Variants in PDE11A observed in about 807,000 individuals in gnomAD.
PDE11A encodes dual 3',5'-cyclic-AMP and -GMP phosphodiesterase 11A.
In PDE11A, 100 loss-of-function variants were observed where a neutral mutation model predicts 100.5. The observed-to-expected ratio is 1.00, with a 90% CI of 0.85 to 1.18. The LOEUF is 1.18. PDE11A is among the 50% of genes most tolerant of loss of function. PDE11A has a pLI of 0.00. For synonymous variants in PDE11A, 381 were observed against 420.8 expected (o/e 0.91, Z 1.16); for missense variants, 1,141 against 1,152.6 (o/e 0.99, Z 0.15).
intron 1 of PDE11A, among the ~76,000 whole-genome samples, chr2:178,053,552 T>A (rs1163577505): frequency 6.6e-6 from 1 of 152,100 alleles, no homozygotes; most frequent in Non-Finnish European, 1.5e-5. Context: ...GGTATTCAAT[T>A]AGGAAAAGAG....
intron 1 of PDE11A, among the ~76,000 whole-genome samples, chr2:178,050,105 G>A (rs1371698786): frequency 1.3e-5 from 2 of 152,112 alleles, no homozygotes; most frequent in Non-Finnish European, 2.9e-5. Flanking sequence ...CTCCCAGTAG[G>A]GGCAGACTGA....
At chr2:178,037,401 A>C (rs564710735) in intron 1 of PDE11A, among the ~76,000 whole-genome samples, 1 of 152,142 alleles carries the variant, frequency 6.6e-6, no homozygotes, top group Non-Finnish European at 1.5e-5. Context: ...GGAGAAATAG[A>C]AACACGTTTA....
chr2:177,802,332 C>T (rs1360774732), intron 9 of PDE11A, among the ~76,000 whole-genome samples: 1 of 151,950 alleles, frequency 6.6e-6, no homozygotes, highest in African/African-American at 2.4e-5. Flanking sequence ...CACATACTGA[C>T]CTTTTGACCA....
chr2:178,031,338 G>A lies in PDE11A; in HGVS notation c.913-16878C>T, dbSNP rs552909017. On this transcript the variant is annotated intron_variant, in intron 1 of 19. Coordinates refer to ENST00000286063, the MANE Select transcript of PDE11A (RefSeq NM_016953.4). ...TGATACTGGAGGTTCTTGCACAGTA[G>A]GAGCTAAGAAAAAGAAATAAAAGGT... 4.8e-4 allele frequency among the ~76,000 whole-genome samples: 73 copies of A among 152,080 alleles called. No individual in the cohort carries two copies. In the South Asian group the frequency reaches 7.3e-3, roughly 15 times the overall value.
intron 1 of PDE11A, among the ~76,000 whole-genome samples, chr2:178,040,161 T>C (rs906168930): frequency 2.7e-5 from 4 of 150,088 alleles, no homozygotes; most frequent in Non-Finnish European, 5.9e-5. Context: ...ACCTTCTGGA[T>C]TCAAGCTATT....
intron 2 of PDE11A, among the ~76,000 whole-genome samples, chr2:177,938,329 T>C (rs1191178721): frequency 6.6e-6 from 1 of 152,156 alleles, no homozygotes; most frequent in Non-Finnish European, 1.5e-5. Context: ...TGATTCAGAT[T>C]CCAAAGGCTC....
chr2:177,755,602 C>A (rs1381704889), intron 10 of PDE11A, among the ~76,000 whole-genome samples: 1 of 152,212 alleles, frequency 6.6e-6, no homozygotes, highest in African/African-American at 2.4e-5. Context: ...AACTGACACA[C>A]TTTCCTAAGC....
At chr2:178,026,782 A>G (rs2086484274) in intron 1 of PDE11A, among the ~76,000 whole-genome samples, 1 of 152,190 alleles carries the variant, frequency 6.6e-6, no homozygotes, top group South Asian at 2.1e-4. Flanking sequence ...AAGTGTATTT[A>G]GTTAATCAAA....
chr2:177,672,691 G>A (rs949516475), intron 17 of PDE11A, among the ~76,000 whole-genome samples: 2 of 152,116 alleles, frequency 1.3e-5, no homozygotes, highest in East Asian at 1.9e-4. Context: ...ACTGTTTTGC[G>A]AGGAATTACA....
At chr2:177,726,517 A>G (rs1345608520) in intron 12 of PDE11A, among the ~76,000 whole-genome samples, 1 of 152,112 alleles carries the variant, frequency 6.6e-6, no homozygotes, top group African/African-American at 2.4e-5. Flanking sequence ...GTAGCAAGAA[A>G]GATGTGTTGT....
At chr2:178,016,130 A>ACTTT (rs2086333348) in intron 1 of PDE11A, among the ~76,000 whole-genome samples, 1 of 66,528 alleles carries the variant, frequency 1.5e-5, no homozygotes, top group Non-Finnish European at 3.0e-5. Flanking sequence ...ATGCCTGGCT[A>ACTTT]ATTTTTTTTT....
chr2:177,935,640 T>A (rs773607068), intron 2 of PDE11A, among the ~76,000 whole-genome samples: 2 of 152,094 alleles, frequency 1.3e-5, no homozygotes, highest in Non-Finnish European at 2.9e-5. Flanking sequence ...GGAGGCCATG[T>A]CCTGAGATCC....
chr2:177,674,850 C>G (rs186895195), intron 17 of PDE11A, among the ~76,000 whole-genome samples: 1 of 152,264 alleles, frequency 6.6e-6, no homozygotes, highest in East Asian at 1.9e-4. Context: ...CATCATAAAA[C>G]GCACATAACG....
At chr2:177,642,082 A>C (rs1441670384) in intron 19 of PDE11A, among the ~76,000 whole-genome samples, 1 of 152,236 alleles carries the variant, frequency 6.6e-6, no homozygotes, top group Non-Finnish European at 1.5e-5. Flanking sequence ...TAATGCTGGC[A>C]TGTGAGTTTG....
At chr2:177,939,629 A>G (rs1407739593) in intron 2 of PDE11A, among the ~76,000 whole-genome samples, 2 of 152,216 alleles carry the variant, frequency 1.3e-5, no homozygotes, top group Non-Finnish European at 2.9e-5. Flanking sequence ...CTACCAATTT[A>G]CAGAAATAGA....
At position 177,624,409 on chromosome 2, in the gene PDE11A, C is replaced by A. The variant is rs1453527552; in HGVS notation, c.*4998G>T. The A allele has an allele frequency of 6.6e-6, 1 of 151,920 alleles. No homozygotes were observed. The highest frequency in any genetic ancestry group is 2.4e-5 in the African/African-American group (1 of 41,366). The allele number at this position is 151,920 out of a possible 1,614,324, so 9.4% of individuals were successfully genotyped here. A position where few individuals can be genotyped will look rare whatever the true frequency, so the allele number is the denominator to read the frequency against. ...TCTTTCTGCAATTTCTAAGAGTCAG[C>A]AGGAAAAATAGATTTTAAAATAATT... On this transcript the variant is annotated 3_prime_UTR_variant, in exon 20 of 20. Coordinates refer to ENST00000286063, the MANE Select transcript of PDE11A (RefSeq NM_016953.4).
chr2:178,026,038 C>T (rs1454845005), intron 1 of PDE11A, among the ~76,000 whole-genome samples: 1 of 152,152 alleles, frequency 6.6e-6, no homozygotes, highest in East Asian at 1.9e-4. Context: ...CATGAAAAGC[C>T]AGGTCCAGGT....
chr2:177,945,687 G>C (rs1380190244), intron 2 of PDE11A, among the ~76,000 whole-genome samples: 1 of 151,896 alleles, frequency 6.6e-6, no homozygotes, highest in African/African-American at 2.4e-5. Context: ...GGGAGGTGAG[G>C]AGCGTCTCCG....
At chr2:177,674,994 G>C (rs893668704) in intron 17 of PDE11A, among the ~76,000 whole-genome samples, 19 of 152,044 alleles carry the variant, frequency 1.2e-4, no homozygotes, top group African/African-American at 4.3e-4. Context: ...TTGTTTTTCT[G>C]CAAGTTAAAT....
Sources: gnomAD v4.1 joint callset for allele counts (sites outside exome capture counted in the v4.1 genomes callset) on GRCh38, gnomAD v4.1.1 for gene constraint, MANE v1.5 for transcripts, NCBI Gene and HGNC (gene_info 2026-07-23, HGNC 2026-07-21) for gene names.